IL4R: variants seen among roughly 807,000 people sequenced by gnomAD.
IL4R encodes interleukin 4 receptor, also known as interleukin-4 receptor subunit alpha.
In IL4R, 17 loss-of-function variants were observed where a neutral mutation model predicts 41.5. The ratio of observed to expected loss-of-function variants is 0.41; its 90% confidence interval spans 0.28 to 0.61. IL4R has a LOEUF of 0.61. Ranked by LOEUF, IL4R falls within the 20% of genes least tolerant of loss-of-function variation. The pLI is 0.31. For missense variants in IL4R, 974 were observed against 1,043.1 expected, an observed-to-expected ratio of 0.93 and a Z score of 0.91; for synonymous variants, 402 against 422.9, an observed-to-expected ratio of 0.95 and a Z score of 0.61.
At chr16:27,344,797 A>G in intron 4 of IL4R, 72 bp from the exon 5 acceptor site, 1 of 1,457,742 alleles carries the variant, frequency 6.9e-7, no homozygotes, top group Non-Finnish European at 9.5e-7. Flanking sequence ...TCCTGGAGGC[A>G]TGTCCCGGAC....
At chr16:27,356,067 A>C (rs549725936) in intron 8 of IL4R, among the ~76,000 whole-genome samples, 160 bp downstream of exon 8, 1 of 149,586 alleles carries the variant, frequency 6.7e-6, no homozygotes, top group African/African-American at 2.4e-5. Flanking sequence ...ACATATCGAC[A>C]AGGACCCCAC....
chr16:27,317,546 C>T (rs1012298662), intron 1 of IL4R, among the ~76,000 whole-genome samples: 1 of 152,142 alleles, frequency 6.6e-6, no homozygotes, highest in African/African-American at 2.4e-5. Context: ...GAATGTGGAT[C>T]GGAGCGCCCC....
intron 2 of IL4R, among the ~76,000 whole-genome samples, chr16:27,333,805 G>A (rs1489170156): frequency 2.6e-5 from 4 of 152,030 alleles, no homozygotes; most frequent in South Asian, 2.1e-4. Flanking sequence ...TGGGGTGTTC[G>A]CAGGACATCC....
chr16:27,326,870 T>C (rs1219717143), intron 1 of IL4R, among the ~76,000 whole-genome samples: 1 of 152,080 alleles, frequency 6.6e-6, no homozygotes, highest in African/African-American at 2.4e-5. Flanking sequence ...CCCGGGCCAT[T>C]CTGGGGCCCT....
chr16:27,330,250 A>T (rs945859777), intron 2 of IL4R, 52 bp downstream of exon 2: 1 of 151,808 alleles, frequency 6.6e-6, no homozygotes, highest in Admixed American at 6.6e-5. Flanking sequence ...TTAGTTGGGC[A>T]TGGTGGCTTG....
At chr16:27,320,349 C>T (rs1268247619) in intron 1 of IL4R, among the ~76,000 whole-genome samples, 1 of 152,174 alleles carries the variant, frequency 6.6e-6, no homozygotes, top group Non-Finnish European at 1.5e-5. Flanking sequence ...AAATAAAGTA[C>T]GTAATACATG....
Position 27,358,968 on chromosome 16 carries a change from G to T in IL4R, c.823G>T (p.Val275Leu). 1 of 1,613,918 alleles carries T rather than the reference G, an allele frequency of 6.2e-7. No individual in the cohort carries two copies. Among genetic ancestry groups the T allele is most frequent in the Non-Finnish European group, 8.5e-7 (1 of 1,179,822 alleles). The stretch of plus-strand genomic sequence containing the variant: ...TCCCAACCCAGCCCGCAGCCGCCTC[G>T]TGGCTATAATAATCCAGGATGCTCA... ...QIPNPARSRL[V>L]AIIIQDAQGS... Residue 275 changes from valine (V) to leucine (L), a missense_variant, in exon 9 of 11, where the codon GTG (valine) becomes TTG (leucine). Val to Leu is a conservative substitution (Grantham distance 32). Coordinates refer to ENST00000395762, the MANE Select transcript of IL4R (RefSeq NM_000418.4).
chr16:27,326,141 C>T (rs1054957093), intron 1 of IL4R, among the ~76,000 whole-genome samples: 1 of 152,100 alleles, frequency 6.6e-6, no homozygotes, highest in African/African-American at 2.4e-5. Flanking sequence ...CACTGCTACC[C>T]ACTTCTACCC....
In IL4R at chr16:27,363,079, A is replaced by C; in HGVS notation, c.1727A>C (p.Gln576Pro). The C allele has an allele frequency of 6.2e-7, 1 of 1,613,936 alleles. No homozygotes were observed. The highest frequency in any genetic ancestry group is 8.5e-7 in the Non-Finnish European group (1 of 1,180,020). ...APVSAPTSGY[Q>P]EFVHAVEQGG... ...GTCTCGGCCCCCACCAGTGGCTATC[A>C]GGAGTTTGTACATGCGGTGGAGCAG... Residue 576 changes from glutamine (Q) to proline (P), a missense_variant, in exon 11 of 11, where the codon CAG becomes CCG. By Grantham distance (76) the Gln-to-Pro change is moderately conservative. Around this residue, in one of 3 missense-constraint regions of IL4R, gnomAD observed 682 missense variants for 704.3 expected, o/e 0.97. Transcript: ENST00000395762.
chr16:27,358,220 A>G (rs1006747187), intron 8 of IL4R, among the ~76,000 whole-genome samples: 7 of 152,154 alleles, frequency 4.6e-5, no homozygotes, highest in African/African-American at 1.7e-4. Flanking sequence ...GTCTCCATTT[A>G]TCATCCATCT....
At chr16:27,337,200 G>A (rs557838199) in intron 2 of IL4R, among the ~76,000 whole-genome samples, 3 of 152,046 alleles carry the variant, frequency 2.0e-5, no homozygotes, top group South Asian at 2.1e-4. Flanking sequence ...AGCCCTGCTG[G>A]GGGGAGGGCC....
intron 1 of IL4R, among the ~76,000 whole-genome samples, chr16:27,320,916 C>T (rs1028787171): frequency 6.6e-6 from 1 of 151,644 alleles, no homozygotes; most frequent in African/African-American, 2.4e-5. Flanking sequence ...GAAAATCTTC[C>T]TGAGATTTAG....
rs147955199 is a variant in IL4R, at chr16:27,363,785, C to T, written c.2433C>T (p.Ile811=). The T allele has an allele frequency of 3.3e-4, 538 of 1,609,880 alleles. No individual in the cohort carries two copies. The highest frequency in any genetic ancestry group is 4.4e-4 in the Non-Finnish European group (519 of 1,180,008). Residue 811 remains isoleucine (I), a synonymous_variant, in exon 11 of 11, where the codon ATC becomes ATT. Coordinates refer to ENST00000395762, the MANE Select transcript of IL4R (RefSeq NM_000418.4). ...AGAGCTCAAGCCAGACCCCCAAAAT[C>T]GTGAACTTTGTCTCCGTGGGACCCA... ...NAQSSSQTPK[I]VNFVSVGPTY... is the part of the protein sequence containing the mutation.
rs958479289 is a variant in IL4R, at chr16:27,355,757, C to T, written c.671-51C>T. 9 of 1,336,502 alleles carry T rather than the reference C, an allele frequency of 6.7e-6. No homozygotes were observed. The African/African-American group carries it at 8.6e-5, about 13-fold the overall frequency. 82.8% of individuals were successfully genotyped at this position (1,336,502 alleles called of 1,614,324 possible). A position where few individuals can be genotyped will look rare whatever the true frequency, so the allele number is the denominator to read the frequency against. On this transcript the variant is annotated intron_variant, in intron 7 of 10. Coordinates refer to ENST00000395762, the MANE Select transcript of IL4R (RefSeq NM_000418.4). ...GTCTCCAGTCCTGGGAAGTGGAGCC[C>T]AGGCTGTACCATGGCTGACCTCAGC... is the stretch of plus-strand genomic sequence containing the variant.
intron 9 of IL4R, 100 bp from the exon 10 acceptor site, chr16:27,360,666 T>A (rs1371024910): frequency 7.2e-7 from 1 of 1,398,440 alleles, no homozygotes; most frequent in African/African-American, 1.4e-5. Flanking sequence ...ACTTCTGATC[T>A]GTGTGATGTC....
chr16:27,344,725 TC>T, intron 4 of IL4R, 143 bp from the exon 5 acceptor site: 1 of 871,432 alleles, frequency 1.1e-6, no homozygotes, highest in Non-Finnish European at 1.7e-6. Context: ...CCCTGGCCGC[TC>T]CCAAGCCCCC....
At chr16:27,336,827 C>T (rs374613713) in intron 2 of IL4R, among the ~76,000 whole-genome samples, 2 of 151,908 alleles carry the variant, frequency 1.3e-5, no homozygotes, top group East Asian at 1.9e-4. Context: ...GCCTGTAATC[C>T]CAGCACTTTG....
Position 27,363,976 on chromosome 16 carries a change from C to T in IL4R, c.*146C>T, listed in dbSNP as rs903564136. ...GTATGAAGGTGATTGGCCCCACTGA[C>T]GTTGGCCTAACACTGGGCTGCAGAG... On this transcript the variant is annotated 3_prime_UTR_variant, in exon 11 of 11. Coordinates refer to ENST00000395762, the MANE Select transcript of IL4R (RefSeq NM_000418.4). The T allele has an allele frequency of 1.6e-5, 15 of 959,472 alleles. No homozygotes were observed. Among genetic ancestry groups the T allele is most frequent in the Admixed American group, 7.2e-5 (3 of 41,438 alleles). The allele number at this position is 959,472 out of a possible 1,614,324, so 59.4% of individuals were successfully genotyped here.
At chr16:27,327,950 G>T (rs2085006374) in intron 1 of IL4R, among the ~76,000 whole-genome samples, 1 of 152,040 alleles carries the variant, frequency 6.6e-6, no homozygotes, top group African/African-American at 2.4e-5. Flanking sequence ...GGTAGCTCAT[G>T]CCTGTAATCC....
Sources: gnomAD v4.1 joint callset for allele counts (sites outside exome capture counted in the v4.1 genomes callset) on GRCh38, gnomAD v4.1.1 for gene constraint, gnomAD v4.1.1 regional missense constraint, MANE v1.5 for transcripts, NCBI Gene and HGNC (gene_info 2026-07-23, HGNC 2026-07-21) for gene names.